SGCD: variants seen among roughly 807,000 people sequenced by gnomAD.
SGCD encodes the protein sarcoglycan delta, also known as delta-sarcoglycan.
In SGCD, 18 loss-of-function variants were observed where a neutral mutation model predicts 36.6. That is an observed-to-expected ratio of 0.49 (90% CI 0.34 to 0.73). The LOEUF is 0.73. SGCD is among the 30% of genes least tolerant of loss of function. The pLI is 0.01. For synonymous variants in SGCD, 133 were observed against 130.6 expected (o/e 1.02, Z -0.12); for missense variants, 387 against 346.7 (o/e 1.12, Z -0.92).
rs1449386798 is a variant in SGCD, at chr5:156,519,895, C to A, written c.294+11193C>A. Among the ~76,000 whole-genome samples, 4 of 152,066 alleles carry A rather than the reference C, an allele frequency of 2.6e-5. No homozygotes were observed. In the East Asian group the frequency reaches 7.7e-4, roughly 29 times the overall value. On this transcript the variant is annotated intron_variant, in intron 4 of 8. Transcript: ENST00000337851. ...ATAACAGGTGCCATCTATAACACAT[C>A]TTCAGCCAATATTATATTGAATGGG...
At chr5:155,868,223 T>G (rs1368081660), upstream of SGCD, among the ~76,000 whole-genome samples, 1 of 152,074 alleles carries the variant, frequency 6.6e-6, no homozygotes, top group African/African-American at 2.4e-5. Flanking sequence ...GGCTAATTTT[T>G]GTATTTTTAC....
intron 7 of SGCD, among the ~76,000 whole-genome samples, chr5:156,655,340 CTTGT>C (rs150094461): frequency 0.022 from 3,320 of 152,164 alleles, 131 homozygotes; most frequent in African/African-American, 0.076. Context: ...TTGTTGTTTG[CTTGT>C]TTGTTAACGA....
intron 4 of SGCD, among the ~76,000 whole-genome samples, chr5:156,574,451 C>T (rs542089817): frequency 1.3e-5 from 2 of 152,160 alleles, no homozygotes; most frequent in African/African-American, 2.4e-5. Context: ...ACATTATTAT[C>T]CCCATTTTCT....
At chr5:155,819,085 T>G in the SGCD span, among the ~76,000 whole-genome samples, 37 of 152,282 alleles carry the variant, frequency 2.4e-4, no homozygotes, top group African/African-American at 8.4e-4. Context: ...TTATTTGGGG[T>G]AAGTAAATCT....
chr5:156,589,209 TTCTC>T lies in SGCD; in HGVS notation c.295-20_295-17del, dbSNP rs1439465436. Reference sequence around the variant, plus strand: ...TTAGAAATCTATCATTTTCATGTCTTTCTCTTATTTTCTTATTGCAGGGTAATGC... The same window carrying T: ...TTAGAAATCTATCATTTTCATGTCTTTTATTTTCTTATTGCAGGGTAATGC... On this transcript the variant is annotated intron_variant, in intron 4 of 8. Transcript: ENST00000337851. 2 of 1,475,174 alleles carry T rather than the reference TTCTC, an allele frequency of 1.4e-6. No homozygotes were observed. The highest frequency in any genetic ancestry group is 3.9e-5 in the Admixed American group (2 of 50,910). The allele number at this position is 1,475,174 out of a possible 1,614,324, so 91.4% of individuals were successfully genotyped here.
intron 1 of SGCD, among the ~76,000 whole-genome samples, chr5:155,930,912 T>G (rs1447191010): frequency 6.6e-6 from 1 of 152,216 alleles, no homozygotes; most frequent in Non-Finnish European, 1.5e-5. Flanking sequence ...GTAATCATAA[T>G]CCCTGACATT....
At chr5:155,747,666 A>G in the SGCD span, among the ~76,000 whole-genome samples, 2 of 152,200 alleles carry the variant, frequency 1.3e-5, no homozygotes, top group Non-Finnish European at 2.9e-5. Context: ...TTCTTTCAAC[A>G]TAAGGTAGCT....
At chr5:156,608,237 T>C (rs544084413) in intron 6 of SGCD, among the ~76,000 whole-genome samples, 41 of 152,328 alleles carry the variant, frequency 2.7e-4, no homozygotes, top group African/African-American at 9.4e-4. Flanking sequence ...GATTCTGGTA[T>C]GTTGTGTCTT....
intron 3 of SGCD, among the ~76,000 whole-genome samples, chr5:156,398,526 G>T (rs1268740619): frequency 6.6e-6 from 1 of 152,152 alleles, no homozygotes; most frequent in Non-Finnish European, 1.5e-5. Flanking sequence ...GCATGGTAAA[G>T]CTGGCTATTC....
At chr5:155,774,193 G>C in the SGCD span, among the ~76,000 whole-genome samples, 1 of 152,030 alleles carries the variant, frequency 6.6e-6, no homozygotes, top group Non-Finnish European at 1.5e-5. Context: ...GGATATTTTG[G>C]GTTTTGAGAG....
intron 3 of SGCD, among the ~76,000 whole-genome samples, chr5:156,347,989 C>T (rs561142271): frequency 1.3e-5 from 2 of 152,230 alleles, no homozygotes; most frequent in South Asian, 4.1e-4. Flanking sequence ...GCCAATAATG[C>T]ATTTGAGCAA....
intron 3 of SGCD, among the ~76,000 whole-genome samples, chr5:156,493,443 AAAT>A (rs1218897884): frequency 2.0e-5 from 3 of 152,148 alleles, no homozygotes. Flanking sequence ...CCACTATCCC[AAAT>A]AAGGTTTAAT....
At position 156,765,285 on chromosome 5, in the gene SGCD, T is replaced by C. The variant is rs1011246906; in HGVS notation, c.*5895T>C. ...CTCCAAACTGGTCTATTAGGTTCCA[T>C]GGGAACACTTGTAGCCAAAGGATTG... On this transcript the variant is annotated 3_prime_UTR_variant, in exon 9 of 9. Transcript: ENST00000337851. 4 of 152,200 alleles carry C rather than the reference T, an allele frequency of 2.6e-5. No individual in the cohort carries two copies. The highest frequency in any genetic ancestry group is 6.5e-5 in the Admixed American group (1 of 15,278). 9.4% of individuals were successfully genotyped at this position (152,200 alleles called of 1,614,324 possible). A position where few individuals can be genotyped will look rare whatever the true frequency, so the allele number is the denominator to read the frequency against.
chr5:156,006,007 C>G (rs1419510254), intron 1 of SGCD, among the ~76,000 whole-genome samples: 1 of 152,208 alleles, frequency 6.6e-6, no homozygotes, highest in Non-Finnish European at 1.5e-5. Context: ...ATCTACATTT[C>G]TCTCTTCTGT....
At chr5:156,550,844 A>G (rs1400518671) in intron 4 of SGCD, among the ~76,000 whole-genome samples, 58 of 152,198 alleles carry the variant, frequency 3.8e-4, no homozygotes, top group Non-Finnish European at 4.4e-5. Context: ...TTTAAAGGAG[A>G]TAGTGAAGGG....
intron 2 of SGCD, among the ~76,000 whole-genome samples, chr5:156,332,264 G>GT (rs565077843): frequency 8.6e-4 from 131 of 152,242 alleles, no homozygotes; most frequent in African/African-American, 2.8e-3. Context: ...TTCACAAAGT[G>GT]TTTTTTTGTT....
In SGCD at chr5:156,763,040, G is replaced by T. The variant is rs72803044; in HGVS notation, c.*3650G>T. 0.084 allele frequency: 12,840 copies of T among 152,628 alleles called. 913 individuals are homozygous for T. The highest frequency in any genetic ancestry group is 0.19 in the African/African-American group (7,894 of 41,508). The allele number at this position is 152,628 out of a possible 1,614,324, so 9.5% of individuals were successfully genotyped here. On this transcript the variant is annotated 3_prime_UTR_variant, in exon 9 of 9. Coordinates refer to ENST00000337851, the MANE Select transcript of SGCD (RefSeq NM_000337.6). ...CCAGAGAAACACAGGCTCAGAGGAT[G>T]CCTGGGAACAGGGAGGATGGGATTA...
chr5:155,764,874 A>G, the SGCD span, among the ~76,000 whole-genome samples: 1 of 152,148 alleles, frequency 6.6e-6, no homozygotes, highest in African/African-American at 2.4e-5. Context: ...AAAACAATAA[A>G]TACCTAGAAT....
intron 1 of SGCD, among the ~76,000 whole-genome samples, chr5:155,881,674 C>T (rs544144104): frequency 1.3e-5 from 2 of 152,318 alleles, no homozygotes; most frequent in East Asian, 3.9e-4. Flanking sequence ...TTCTCCATAG[C>T]ATGCCATGCT....
Sources: gnomAD v4.1 joint callset for allele counts (sites outside exome capture counted in the v4.1 genomes callset) on GRCh38, gnomAD v4.1.1 for gene constraint, MANE v1.5 for transcripts, NCBI Gene and HGNC (gene_info 2026-07-23, HGNC 2026-07-21) for gene names.